Variants in DAPK2 observed in about 807,000 individuals in gnomAD.
The protein encoded by DAPK2 is death associated protein kinase 2, also known as death-associated protein kinase 2.
Under a neutral mutation model 44.1 loss-of-function variants are expected in DAPK2, and 35 were observed. The ratio of observed to expected loss-of-function variants is 0.79; its 90% CI spans 0.61 to 1.05. DAPK2 has a LOEUF of 1.05. Among genes scored for constraint, DAPK2 ranks in the 50% least tolerant of loss-of-function variants. The pLI is 0.00. For synonymous variants in DAPK2, 174 were observed against 182.6 expected (o/e 0.95, Z 0.38); for missense variants, 453 against 483.2 (o/e 0.94, Z 0.59).
chr15:63,958,431 G>C (rs1157868688), intron 3 of DAPK2, among the ~76,000 whole-genome samples: 1 of 152,202 alleles, frequency 6.6e-6, no homozygotes, highest in African/African-American at 2.4e-5. Flanking sequence ...CTTTGCCCAT[G>C]TGTATGGCCT....
At chr15:63,991,632 G>A (rs914281902) in intron 1 of DAPK2, among the ~76,000 whole-genome samples, 5 of 152,156 alleles carry the variant, frequency 3.3e-5, no homozygotes, top group African/African-American at 9.7e-5. Context: ...GGGGCTTCAG[G>A]GAACCCCAAA....
At chr15:64,035,608 C>T (rs1283242375) in intron 1 of DAPK2, among the ~76,000 whole-genome samples, 3 of 152,196 alleles carry the variant, frequency 2.0e-5, no homozygotes, top group Non-Finnish European at 4.4e-5. Context: ...GCCTCATCTA[C>T]AAAATGAGGA....
intron 3 of DAPK2, among the ~76,000 whole-genome samples, chr15:63,962,271 T>A (rs2077924581): frequency 6.6e-6 from 1 of 152,202 alleles, no homozygotes; most frequent in Non-Finnish European, 1.5e-5. Flanking sequence ...TTTTAGCTTA[T>A]TTGCGATGGG....
At chr15:64,022,777 T>C (rs1260846993) in intron 1 of DAPK2, among the ~76,000 whole-genome samples, 1 of 152,090 alleles carries the variant, frequency 6.6e-6, no homozygotes, top group African/African-American at 2.4e-5. Flanking sequence ...CAAGATCACA[T>C]CACTGCACTC....
rs892109656 is a variant in DAPK2, at chr15:63,916,449, C to T, written c.859-4252G>A. ...AGCCAGGGCACTCTCACACCCACTTCTCTCCTGCCCAGGACCCCTCCCCGC... is the reference window on the plus strand; with the variant it reads ...AGCCAGGGCACTCTCACACCCACTTTTCTCCTGCCCAGGACCCCTCCCCGC... On this transcript the variant is annotated intron_variant, in intron 8 of 10. Transcript: ENST00000261891. This position sits in a 1 kb window ranked among gnomAD's most constrained non-coding sequence, Gnocchi z 4.7. 3 of 152,498 alleles carry T rather than the reference C, an allele frequency of 2.0e-5. No homozygotes were observed. Among genetic ancestry groups the T allele is most frequent in the African/African-American group, 7.2e-5 (3 of 41,456 alleles). The allele number at this position is 152,498 out of a possible 1,614,324, so 9.4% of individuals were successfully genotyped here. A position where few individuals can be genotyped will look rare whatever the true frequency, so the allele number is the denominator to read the frequency against.
At chr15:64,017,318 C>G (rs765018977) in intron 1 of DAPK2, among the ~76,000 whole-genome samples, 2 of 152,228 alleles carry the variant, frequency 1.3e-5, no homozygotes, top group Non-Finnish European at 2.9e-5. Flanking sequence ...TCTATCTACC[C>G]TGCTGCCTCA....
intron 1 of DAPK2, among the ~76,000 whole-genome samples, chr15:64,026,675 C>T (rs191851654): frequency 1.5e-3 from 231 of 152,322 alleles, no homozygotes; most frequent in African/African-American, 5.3e-3. Context: ...TCTCAGAAAA[C>T]TTCCTGAGAA....
chr15:63,923,357 A>G lies in DAPK2; in HGVS notation c.858+1459T>C. On this transcript the variant is annotated intron_variant, in intron 8 of 10. Transcript: ENST00000261891. This position sits in a 1 kb window ranked among gnomAD's most constrained non-coding sequence, Gnocchi z 4.2. ...TTCTCCTTTTGACTGGTGGGTGTTC[A>G]GACAGAAGAATCAGAGTGTTAATTT... The G allele has an allele frequency of 6.5e-7, 1 of 1,530,976 alleles. No homozygotes were observed. The highest frequency in any genetic ancestry group is 8.7e-7 in the Non-Finnish European group (1 of 1,143,074). The allele number at this position is 1,530,976 out of a possible 1,614,324, so 94.8% of individuals were successfully genotyped here. A position where few individuals can be genotyped will look rare whatever the true frequency, so the allele number is the denominator to read the frequency against.
chr15:63,956,143 G>C (rs1215993603), intron 3 of DAPK2, among the ~76,000 whole-genome samples: 6 of 152,130 alleles, frequency 3.9e-5, no homozygotes, highest in Admixed American at 3.9e-4. Context: ...CAGTTGTAAT[G>C]TCTCCTTTTT....
chr15:64,001,499 G>C (rs1053440608), intron 1 of DAPK2, among the ~76,000 whole-genome samples: 5 of 152,146 alleles, frequency 3.3e-5, no homozygotes, highest in African/African-American at 1.2e-4. Flanking sequence ...ACTTGAGGAG[G>C]ATGGGAAGGA....
At chr15:63,952,963 T>C (rs2077632111) in intron 3 of DAPK2, among the ~76,000 whole-genome samples, 1 of 151,760 alleles carries the variant, frequency 6.6e-6, no homozygotes, top group Admixed American at 6.6e-5. Flanking sequence ...CTGGCCCCTC[T>C]ACCCTTCTGA....
At chr15:63,940,848 C>T (rs2140458199) in intron 3 of DAPK2, among the ~76,000 whole-genome samples, 1 of 152,082 alleles carries the variant, frequency 6.6e-6, no homozygotes, top group East Asian at 1.9e-4. Flanking sequence ...AAAAAATATT[C>T]CATTGATACA....
intron 2 of DAPK2, among the ~76,000 whole-genome samples, chr15:63,982,418 G>A (rs1013485947): frequency 7.9e-5 from 12 of 151,916 alleles, no homozygotes; most frequent in South Asian, 4.1e-4. Context: ...CTCAAACTCC[G>A]ACCTTGTGAT....
At position 63,922,513 on chromosome 15, in the gene DAPK2, C is replaced by A. The variant is rs1315321524; in HGVS notation, c.858+2303G>T. On this transcript the variant is annotated intron_variant, in intron 8 of 10. Transcript: ENST00000261891. Reference sequence around the variant, plus strand: ...CTCTCTAATTGTTTTAACAGCTTGGCTGCCCTGCCAGAGCCCTCCCAGAAA... The same window carrying A: ...CTCTCTAATTGTTTTAACAGCTTGGATGCCCTGCCAGAGCCCTCCCAGAAA... The A allele has an allele frequency of 4.1e-5, 55 of 1,344,490 alleles. No individual in the cohort carries two copies. The East Asian group carries it at 1.5e-3, about 36-fold the overall frequency. 83.3% of individuals were successfully genotyped at this position (1,344,490 alleles called of 1,614,324 possible).
chr15:63,930,427 C>T (rs372139776), exon 5 of DAPK2: 1 of 1,614,110 alleles, frequency 6.2e-7, no homozygotes, highest in African/African-American at 1.3e-5. Flanking sequence ...CCTCCAGACC[C>T]AGGGGCTCGT....
chr15:63,963,703 C>A (rs1317461917), intron 3 of DAPK2, among the ~76,000 whole-genome samples: 1 of 151,854 alleles, frequency 6.6e-6, no homozygotes, highest in African/African-American at 2.4e-5. Context: ...CTTTTTATTT[C>A]TTTATATCTC....
chr15:63,923,361 A>G lies in DAPK2; in HGVS notation c.858+1455T>C, dbSNP rs1234757592. The G allele has an allele frequency of 6.5e-7, 1 of 1,529,536 alleles. No individual in the cohort carries two copies. Among genetic ancestry groups the G allele is most frequent in the Non-Finnish European group, 8.8e-7 (1 of 1,142,158 alleles). The allele number at this position is 1,529,536 out of a possible 1,614,324, so 94.7% of individuals were successfully genotyped here. A position where few individuals can be genotyped will look rare whatever the true frequency, so the allele number is the denominator to read the frequency against. ...CCTTTTGACTGGTGGGTGTTCAGAC[A>G]GAAGAATCAGAGTGTTAATTTGCCG... On this transcript the variant is annotated intron_variant, in intron 8 of 10. Coordinates refer to ENST00000261891, the Ensembl canonical transcript of DAPK2. This position sits in a 1 kb window ranked among gnomAD's most constrained non-coding sequence, Gnocchi z 4.2.
intron 1 of DAPK2, among the ~76,000 whole-genome samples, chr15:63,997,575 C>T (rs955856870): frequency 2.6e-5 from 4 of 152,172 alleles, no homozygotes; most frequent in Non-Finnish European, 5.9e-5. Flanking sequence ...AGGTGATCTG[C>T]CCACCTTGGC....
intron 1 of DAPK2, among the ~76,000 whole-genome samples, chr15:64,016,742 A>G (rs1254157433): frequency 2.0e-5 from 3 of 151,782 alleles, no homozygotes; most frequent in East Asian, 2.0e-4. Context: ...ACAATGAGCC[A>G]TGACTATGCT....
Sources: gnomAD v4.1 joint callset for allele counts (sites outside exome capture counted in the v4.1 genomes callset) on GRCh38, gnomAD v4.1.1 for gene constraint, Gnocchi (gnomAD v3.1) non-coding constraint, MANE v1.5 for transcripts, NCBI Gene and HGNC (gene_info 2026-07-23, HGNC 2026-07-21) for gene names.